STAT5B: variants seen among roughly 807,000 people sequenced by gnomAD.
STAT5B encodes the protein signal transducer and activator of transcription 5B, also known as transcription factor STAT5B.
A neutral mutation model predicts 107.8 loss-of-function variants in STAT5B; 21 were observed. That is an observed-to-expected ratio of 0.19 (90% CI 0.14 to 0.28). STAT5B has a LOEUF of 0.28. STAT5B is among the 10% of genes least tolerant of loss of function. The pLI, the probability that STAT5B is intolerant of heterozygous loss-of-function variation, is 1.00. For synonymous variants in STAT5B, 325 were observed against 401.7 expected (o/e 0.81, Z 2.28); for missense variants, 565 against 1,008.2 (o/e 0.56, Z 5.95).
At chr17:42,277,838 C>CTCCA (rs1300083667), upstream of STAT5B, among the ~76,000 whole-genome samples, 21 of 151,810 alleles carry the variant, frequency 1.4e-4, no homozygotes, top group Admixed American at 7.2e-4. Context: ...TCACGGCAAC[C>CTCCA]TCCACCTCCT....
At chr17:42,274,394 T>C (rs1158209658) in intron 1 of STAT5B, among the ~76,000 whole-genome samples, 1 of 151,212 alleles carries the variant, frequency 6.6e-6, no homozygotes, top group Non-Finnish European at 1.5e-5. Flanking sequence ...ATCTCCTAGA[T>C]AACGCGCTTA....
At chr17:42,218,125 G>C in intron 9 of STAT5B, 26 bp downstream of exon 9, 1 of 1,610,264 alleles carries the variant, frequency 6.2e-7, no homozygotes, top group Non-Finnish European at 8.5e-7. Context: ...CAAGTAGCAG[G>C]GAATGAGAGG....
intron 8 of STAT5B, 26 bp from the exon 9 acceptor site, chr17:42,218,356 A>G: frequency 1.2e-6 from 2 of 1,606,750 alleles, no homozygotes; most frequent in African/African-American, 2.7e-5. Context: ...GGACAGATGC[A>G]TGATGAGGGG....
At position 42,219,768 on chromosome 17, in the gene STAT5B, C is replaced by A. The variant is rs757272257; in HGVS notation, c.625G>T (p.Val209Leu). ...CGCTGCAACCAGGCCTCCAGAGACA[C>A]CTGCTTCTGCTGGAGGGCCGTCTCC... ...SRETALQQKQ[V>L]SLEAWLQREA... The change falls in exon 6 of 19, where the codon GTG (valine) becomes TTG (leucine). Residue 209 changes from valine (V) to leucine (L), a missense_variant. By Grantham distance (32) the Val-to-Leu change is conservative (BLOSUM62 1). Around this residue, in one of 11 missense-constraint regions of STAT5B, gnomAD observed 56 missense variants for 104.5 expected, o/e 0.54. Coordinates refer to ENST00000293328, the MANE Select transcript of STAT5B (RefSeq NM_012448.4). The A allele has an allele frequency of 6.2e-7, 1 of 1,612,778 alleles. No individual in the cohort carries two copies. The highest frequency in any genetic ancestry group is 1.7e-5 in the Admixed American group (1 of 59,796).
rs1368801045 is a variant in STAT5B at position 42,200,859 on chromosome 17, T to C, written c.*879A>G. 2.6e-6 allele frequency: 1 copy of C among 388,416 alleles called. No homozygotes were observed. Among genetic ancestry groups the C allele is most frequent in the Non-Finnish European group, 4.5e-6 (1 of 220,126 alleles). The allele number at this position is 388,416 out of a possible 1,614,324, so 24.1% of individuals were successfully genotyped here. On this transcript the variant is annotated 3_prime_UTR_variant, in exon 19 of 19. Coordinates refer to ENST00000293328, the MANE Select transcript of STAT5B (RefSeq NM_012448.4). ...CTGGGCAGCCGGAACAGCAGCTTCC[T>C]GGGTAACCAGGCAACAATCTCAGCG...
chr17:42,230,452 A>C (rs2080308547), intron 2 of STAT5B, among the ~76,000 whole-genome samples: 1 of 152,198 alleles, frequency 6.6e-6, no homozygotes, highest in African/African-American at 2.4e-5. Flanking sequence ...AGCAGTGTAC[A>C]TCCTGCTGCC....
intron 1 of STAT5B, 95 bp from the exon 2 acceptor site, chr17:42,232,232 TTTTTA>T (rs2080323325): frequency 7.8e-7 from 1 of 1,283,600 alleles, no homozygotes. Flanking sequence ...AAGGTAAATG[TTTTTA>T]TTTTATTATT....
chr17:42,204,342 T>G (rs17500235), intron 16 of STAT5B, among the ~76,000 whole-genome samples: 7,167 of 152,222 alleles, frequency 0.047, 237 homozygotes, highest in Non-Finnish European at 0.064. Context: ...TGAAGTCTTG[T>G]TTCTGGGTAC....
At chr17:42,226,849 G>C (rs1259571885) in intron 3 of STAT5B, among the ~76,000 whole-genome samples, 1 of 149,816 alleles carries the variant, frequency 6.7e-6, no homozygotes, top group Admixed American at 6.7e-5. Flanking sequence ...GAGGGACCGG[G>C]CATAGTGGCT....
chr17:42,228,355 T>C (rs999282580), intron 2 of STAT5B, among the ~76,000 whole-genome samples: 2 of 152,208 alleles, frequency 1.3e-5, no homozygotes, highest in African/African-American at 2.4e-5. Context: ...ACTGAACTGG[T>C]GACGGGGGTT....
In STAT5B at chr17:42,258,751, T is replaced by A. The variant is rs974388711; in HGVS notation, c.-11+17497A>T. Among the ~76,000 whole-genome samples the A allele has an allele frequency of 3.3e-5, 5 of 152,240 alleles. No homozygotes were observed. In the East Asian group the frequency reaches 7.7e-4, roughly 23 times the overall value. ...GGCATTACCTAGATTCCAGAATCTCTGCAAGTCTCCCTTCTGAAGCTCCGT... is the reference window on the plus strand; with the variant it reads ...GGCATTACCTAGATTCCAGAATCTCAGCAAGTCTCCCTTCTGAAGCTCCGT... On this transcript the variant is annotated intron_variant, in intron 1 of 18. Coordinates refer to ENST00000293328, the MANE Select transcript of STAT5B (RefSeq NM_012448.4).
intron 1 of STAT5B, among the ~76,000 whole-genome samples, chr17:42,245,818 C>T (rs2080447324): frequency 6.6e-6 from 1 of 152,124 alleles, no homozygotes. Flanking sequence ...GCCACCCCGC[C>T]CAGCCCTAAT....
chr17:42,262,968 GTGTATATATATATATATA>G (rs1289532098), intron 1 of STAT5B, among the ~76,000 whole-genome samples: 11 of 32,698 alleles, frequency 3.4e-4, no homozygotes, highest in African/African-American at 1.0e-3. Flanking sequence ...GTGTGTGTGT[GTGTATATATATATATATA>G]TATATATATA....
intron 1 of STAT5B, among the ~76,000 whole-genome samples, chr17:42,262,319 C>T (rs553572813): frequency 2.6e-5 from 4 of 152,266 alleles, no homozygotes; most frequent in East Asian, 1.9e-4. Flanking sequence ...ACCAGCACCC[C>T]GTGCTAATAT....
chr17:42,218,195 A>G lies in STAT5B; in HGVS notation c.1125T>C (p.Ser375=). Residue 375 remains serine (S), a synonymous_variant, in exon 9 of 19, where the codon AGT becomes AGC. Coordinates refer to ENST00000293328, the MANE Select transcript of STAT5B (RefSeq NM_012448.4). ...TGAGCAGAGACTTGGCCTGCTGCTC[A>G]CTGATGATGGTGGCCTTCACCTGGG... is the stretch of plus-strand genomic sequence containing the variant. The part of the protein sequence containing the change: ...NPPQVKATII[S]EQQAKSLLKN... 6.2e-7 allele frequency: 1 copy of G among 1,614,134 alleles called. No homozygotes were observed. Among genetic ancestry groups the G allele is most frequent in the Non-Finnish European group, 8.5e-7 (1 of 1,180,020 alleles).
At chr17:42,219,175 G>A in intron 7 of STAT5B, 137 bp downstream of exon 7, 2 of 1,410,486 alleles carry the variant, frequency 1.4e-6, no homozygotes, top group Non-Finnish European at 1.9e-6. Context: ...TCTGATTGAG[G>A]AACCAGGCTC....
At chr17:42,229,532 C>A (rs931841113) in intron 2 of STAT5B, among the ~76,000 whole-genome samples, 2 of 150,346 alleles carry the variant, frequency 1.3e-5, no homozygotes, top group East Asian at 2.0e-4. Flanking sequence ...AACCTTAATT[C>A]TCTGTTAAAA....
At chr17:42,248,035 T>C (rs1288207339) in intron 1 of STAT5B, among the ~76,000 whole-genome samples, 5 of 151,774 alleles carry the variant, frequency 3.3e-5, no homozygotes, top group African/African-American at 1.2e-4. Flanking sequence ...CCCAGCACTC[T>C]GGGAGGCCGA....
intron 1 of STAT5B, among the ~76,000 whole-genome samples, chr17:42,264,365 A>AC (rs2080648347): frequency 1.6e-5 from 1 of 61,718 alleles, no homozygotes; most frequent in South Asian, 6.7e-4. Flanking sequence ...CCCTCCCCCC[A>AC]CCCCACAACA....
Sources: allele counts gnomAD v4.1 joint callset (sites outside exome capture counted in the v4.1 genomes callset), GRCh38; gene constraint gnomAD v4.1.1; regional missense constraint gnomAD v4.1.1; transcripts MANE v1.5; gene names NCBI Gene and HGNC (gene_info 2026-07-23, HGNC 2026-07-21).